The following IDO2 variants were observed in gnomAD, a reference collection of about 807,000 sequenced individuals.
IDO2 encodes indoleamine 2,3-dioxygenase 2.
A neutral mutation model predicts 45.1 loss-of-function variants in IDO2; 46 were observed. The ratio of observed to expected loss-of-function variants is 1.02; its 90% CI spans 0.80 to 1.30. The LOEUF (loss-of-function observed/expected upper bound fraction) is 1.30. Ranked by LOEUF, IDO2 falls within the 50% of genes most tolerant of loss-of-function variation. IDO2 has a pLI of 0.00. For synonymous variants in IDO2, 218 were observed against 184.9 expected, an observed-to-expected ratio of 1.18 and a Z score of -1.45; for missense variants, 544 against 491.8, an observed-to-expected ratio of 1.11 and a Z score of -1.00.
At chr8:39,937,918 T>G (rs1807582601) in intron 1 of IDO2, among the ~76,000 whole-genome samples, 1 of 152,194 alleles carries the variant, frequency 6.6e-6, no homozygotes, top group Non-Finnish European at 1.5e-5. Context: ...AACATAACAT[T>G]GCTTGTAGAC....
intron 8 of IDO2, among the ~76,000 whole-genome samples, chr8:39,993,087 C>T (rs899385332): frequency 1.3e-5 from 2 of 152,098 alleles, no homozygotes; most frequent in African/African-American, 4.8e-5. Context: ...CACTGCCTGC[C>T]GCCTGTCAAC....
intron 3 of IDO2, among the ~76,000 whole-genome samples, chr8:39,978,115 G>A (rs1226385308): frequency 6.6e-6 from 1 of 152,222 alleles, no homozygotes; most frequent in African/African-American, 2.4e-5. Context: ...GCGCAGTCTG[G>A]CCATGGGGAG....
At chr8:40,008,750 T>C (rs1288594661) in intron 9 of IDO2, among the ~76,000 whole-genome samples, 1 of 152,226 alleles carries the variant, frequency 6.6e-6, no homozygotes, top group Admixed American at 6.5e-5. Flanking sequence ...TACTAGAAGG[T>C]GATTTTACTT....
At chr8:39,998,973 C>T (rs774019481) in intron 8 of IDO2, among the ~76,000 whole-genome samples, 5 of 151,948 alleles carry the variant, frequency 3.3e-5, no homozygotes, top group Non-Finnish European at 4.4e-5. Context: ...TTTGCCCTCA[C>T]TTCTTTAGAA....
At chr8:39,969,659 G>A (rs943980802) in intron 3 of IDO2, among the ~76,000 whole-genome samples, 1 of 152,226 alleles carries the variant, frequency 6.6e-6, no homozygotes, top group African/African-American at 2.4e-5. Context: ...GAGATCACCT[G>A]AGTTCAGGAC....
chr8:39,960,852 G>C (rs1482886414), intron 2 of IDO2, among the ~76,000 whole-genome samples: 3 of 151,958 alleles, frequency 2.0e-5, no homozygotes, highest in South Asian at 2.1e-4. Context: ...GCACAATCTC[G>C]GCTCACTGCA....
At position 39,935,022 on chromosome 8, in the gene IDO2, C is replaced by T; in HGVS notation, c.-214C>T. The T allele has an allele frequency of 1.4e-6, 1 of 716,270 alleles. No individual in the cohort carries two copies. The highest frequency in any genetic ancestry group is 2.5e-6 in the Non-Finnish European group (1 of 394,558). The allele number at this position is 716,270 out of a possible 1,614,324, so 44.4% of individuals were successfully genotyped here. Reference sequence around the variant, plus strand: ...CCACAATGAGATGAAAATGCACTGCCAGTTGAAACATCCTCCTACACTGGA... The same window carrying T: ...CCACAATGAGATGAAAATGCACTGCTAGTTGAAACATCCTCCTACACTGGA... On this transcript the variant is annotated 5_prime_UTR_variant, in exon 1 of 11. It introduces an in-frame stop codon into an upstream open reading frame of the 5' UTR. Transcript: ENST00000502986.
intron 8 of IDO2, chr8:39,995,290 T>TCTTCTTCTTCCTCTTCTTCTTC (rs1174801048): frequency 7.2e-6 from 1 of 138,306 alleles, no homozygotes; most frequent in Non-Finnish European, 1.5e-5. Context: ...TTCTTCTTCT[T>TCTTCTTCTTCCTCTTCTTCTTC]TTTTTTTTGA....
chr8:39,962,888 G>A (rs144570124), intron 2 of IDO2, among the ~76,000 whole-genome samples: 76 of 152,298 alleles, frequency 5.0e-4, no homozygotes, highest in African/African-American at 1.8e-3. Context: ...ATCAGAAAAG[G>A]CAACATTTGA....
intron 8 of IDO2, among the ~76,000 whole-genome samples, chr8:39,990,514 C>G (rs529286069): frequency 6.6e-6 from 1 of 152,222 alleles, no homozygotes; most frequent in Admixed American, 6.5e-5. Context: ...GCCATCACAA[C>G]CTTACATACA....
At chr8:39,938,555 A>G (rs1010825170) in intron 1 of IDO2, among the ~76,000 whole-genome samples, 1 of 137,746 alleles carries the variant, frequency 7.3e-6, no homozygotes, top group Non-Finnish European at 1.7e-5. Context: ...ATATAACACC[A>G]AAGGCGCAAT....
At chr8:39,997,381 A>G (rs1302725260) in intron 8 of IDO2, among the ~76,000 whole-genome samples, 1 of 152,208 alleles carries the variant, frequency 6.6e-6, no homozygotes, top group African/African-American at 2.4e-5. Context: ...AGTAAAAAAA[A>G]AAGAAATCAT....
chr8:39,941,580 C>T (rs1299966894), intron 1 of IDO2, among the ~76,000 whole-genome samples: 1 of 151,890 alleles, frequency 6.6e-6, no homozygotes, highest in South Asian at 2.1e-4. Context: ...GGGTCTAGAC[C>T]TTGGGAACAA....
chr8:39,970,848 T>C (rs1808167252), intron 3 of IDO2, among the ~76,000 whole-genome samples: 1 of 142,888 alleles, frequency 7.0e-6, no homozygotes, highest in Admixed American at 7.2e-5. Flanking sequence ...CTCACTGCAA[T>C]CTCTGCCTCC....
At chr8:40,002,261 C>T (rs753733940) in intron 8 of IDO2, among the ~76,000 whole-genome samples, 30 of 152,102 alleles carry the variant, frequency 2.0e-4, no homozygotes, top group Non-Finnish European at 3.8e-4. Flanking sequence ...TTAGCACAGT[C>T]TTATGTCAGA....
chr8:40,012,336 T>C (rs772516865), intron 9 of IDO2, among the ~76,000 whole-genome samples: 101 of 152,322 alleles, frequency 6.6e-4, no homozygotes, highest in Non-Finnish European at 5.3e-4. Flanking sequence ...ATGGGGTTCT[T>C]GTAAAAATGA....
chr8:40,005,568 G>C (rs1362919822), intron 9 of IDO2, among the ~76,000 whole-genome samples, 190 bp downstream of exon 9: 1 of 152,180 alleles, frequency 6.6e-6, no homozygotes, highest in Non-Finnish European at 1.5e-5. Context: ...AAGTATTTCA[G>C]TTAAGAGTGT....
intron 1 of IDO2, among the ~76,000 whole-genome samples, chr8:39,945,334 A>T (rs913576192): frequency 2.6e-5 from 4 of 152,264 alleles, no homozygotes; most frequent in African/African-American, 9.6e-5. Context: ...ATTTGGCTTC[A>T]TGCCCCTTCA....
chr8:39,982,710 C>T, exon 5 of IDO2: 1 of 1,611,918 alleles, frequency 6.2e-7, no homozygotes, highest in Non-Finnish European at 8.5e-7. Context: ...TTGGGGCTCC[C>T]TCCTATCCTG....
Sources: allele counts gnomAD v4.1 joint callset (sites outside exome capture counted in the v4.1 genomes callset), GRCh38; gene constraint gnomAD v4.1.1; transcripts MANE v1.5; gene names NCBI Gene and HGNC (gene_info 2026-07-23, HGNC 2026-07-21).